Variants in PRKN observed in about 807,000 individuals in gnomAD.
PRKN encodes the protein parkin RBR E3 ubiquitin protein ligase, also known as E3 ubiquitin-protein ligase parkin.
Under a neutral mutation model 59.5 loss-of-function variants are expected in PRKN, and 56 were observed. The observed-to-expected ratio is 0.94, with a 90% CI of 0.76 to 1.18. The LOEUF (loss-of-function observed/expected upper bound fraction) is 1.18, where lower values mean the gene tolerates loss of function less well. Ranked by LOEUF, PRKN falls within the 50% of genes most tolerant of loss-of-function variation. The pLI, the probability that PRKN is intolerant of heterozygous loss-of-function variation, is 0.00. For missense variants in PRKN, 657 were observed against 596.4 expected, an observed-to-expected ratio of 1.10 and a Z score of -1.06; for synonymous variants, 250 against 222.1, an observed-to-expected ratio of 1.13 and a Z score of -1.12.
intron 7 of PRKN, among the ~76,000 whole-genome samples, chr6:161,615,631 G>T (rs1782665087): frequency 6.6e-6 from 1 of 152,238 alleles, no homozygotes; most frequent in African/African-American, 2.4e-5. Context: ...GGGCTGCCAG[G>T]ACCCTTGCTC....
At chr6:161,791,488 T>C (rs966756906) in intron 6 of PRKN, among the ~76,000 whole-genome samples, 1 of 152,232 alleles carries the variant, frequency 6.6e-6, no homozygotes, top group African/African-American at 2.4e-5. Context: ...TTTGCCCTCC[T>C]TCACACACTC....
chr6:162,323,449 G>T (rs771121507), intron 2 of PRKN, among the ~76,000 whole-genome samples: 2 of 92,664 alleles, frequency 2.2e-5, no homozygotes, highest in Admixed American at 2.1e-4. Context: ...CAAATTTAAA[G>T]ATTTTTTTAA....
At position 161,475,992 on chromosome 6, in the gene PRKN, C is replaced by T. The variant is rs1368087653; in HGVS notation, c.1083+72862G>A. On this transcript the variant is annotated intron_variant, in intron 9 of 11. Coordinates refer to ENST00000366898, the MANE Select transcript of PRKN (RefSeq NM_004562.3). This position sits in a 1 kb window ranked among gnomAD's most constrained non-coding sequence, Gnocchi z 5.3. The stretch of plus-strand genomic sequence containing the variant: ...ACGAGGTCAGGAGATGGAGACCATC[C>T]TGGTTAACACGGTGAAAGCCTGTCT... Among the ~76,000 whole-genome samples, 1 of 151,946 alleles carries T rather than the reference C, an allele frequency of 6.6e-6. No homozygotes were observed. Among genetic ancestry groups the T allele is most frequent in the Non-Finnish European group, 1.5e-5 (1 of 67,978 alleles).
intron 4 of PRKN, among the ~76,000 whole-genome samples, chr6:162,077,072 C>T (rs1173470788): frequency 3.3e-5 from 5 of 152,034 alleles, no homozygotes; most frequent in African/African-American, 9.7e-5. Flanking sequence ...ACTGCAAACC[C>T]GTGCTCAGAT....
At chr6:162,305,169 A>C (rs575114346) in intron 2 of PRKN, among the ~76,000 whole-genome samples, 25 of 152,222 alleles carry the variant, frequency 1.6e-4, no homozygotes, top group African/African-American at 5.5e-4. Flanking sequence ...AAAACACTAC[A>C]TCTTAGAGTA....
chr6:161,895,900 A>T (rs1777608660), intron 6 of PRKN, among the ~76,000 whole-genome samples: 1 of 152,156 alleles, frequency 6.6e-6, no homozygotes, highest in African/African-American at 2.4e-5. Context: ...GCAGTGAAGG[A>T]AAAATAGGAA....
intron 2 of PRKN, among the ~76,000 whole-genome samples, chr6:162,344,944 T>C (rs1784334640): frequency 6.6e-6 from 1 of 152,224 alleles, no homozygotes; most frequent in South Asian, 2.1e-4. Context: ...ATCAGTCCTG[T>C]ATACTGTATA....
intron 1 of PRKN, among the ~76,000 whole-genome samples, chr6:162,644,964 G>A (rs1353242872): frequency 6.6e-6 from 1 of 152,098 alleles, no homozygotes; most frequent in African/African-American, 2.4e-5. Flanking sequence ...ATAGCTCTTA[G>A]AATATAGTAA....
chr6:162,155,486 C>T (rs78523023), intron 4 of PRKN, among the ~76,000 whole-genome samples: 2,729 of 152,164 alleles, frequency 0.018, 80 homozygotes, highest in African/African-American at 0.061. Context: ...AGAACTACTA[C>T]TGAATTTCAA....
At chr6:162,552,638 C>T (rs192032949) in intron 1 of PRKN, among the ~76,000 whole-genome samples, 9 of 152,058 alleles carry the variant, frequency 5.9e-5, no homozygotes, top group East Asian at 3.9e-4. Context: ...GAGAAACATC[C>T]GCGTGGAGTT....
chr6:161,429,419 C>T lies in PRKN; in HGVS notation c.1084-42542G>A, dbSNP rs1458842156. Among the ~76,000 whole-genome samples the T allele has an allele frequency of 6.6e-6, 1 of 152,096 alleles. No individual in the cohort carries two copies. Among genetic ancestry groups the T allele is most frequent in the African/African-American group, 2.4e-5 (1 of 41,398 alleles). On this transcript the variant is annotated intron_variant, in intron 9 of 11. Transcript: ENST00000366898. The surrounding 1 kb of genome is among the most constrained non-coding windows in gnomAD (Gnocchi z 4.2). ...GCTCTATGTGTGGGAAAACAGGCAACCTGGGGAGCCATGGTTAAGAGGGAC... is the reference window on the plus strand; with the variant it reads ...GCTCTATGTGTGGGAAAACAGGCAATCTGGGGAGCCATGGTTAAGAGGGAC...
At chr6:161,726,429 C>T (rs1787443365) in intron 7 of PRKN, among the ~76,000 whole-genome samples, 2 of 152,176 alleles carry the variant, frequency 1.3e-5, no homozygotes, top group Admixed American at 1.3e-4. Context: ...AATGTGTTAT[C>T]CGGCACATGG....
chr6:161,523,148 C>T (rs973786649), intron 9 of PRKN, among the ~76,000 whole-genome samples: 1 of 152,104 alleles, frequency 6.6e-6, no homozygotes, highest in African/African-American at 2.4e-5. Flanking sequence ...ATAATAAAGA[C>T]ATGGTTGAAT....
intron 2 of PRKN, among the ~76,000 whole-genome samples, chr6:162,269,405 C>T (rs1211982288): frequency 1.3e-5 from 2 of 152,268 alleles, no homozygotes; most frequent in East Asian, 3.9e-4. Context: ...TTACCCAAGT[C>T]AAGTCTGATG....
chr6:162,031,937 T>G (rs1783659010), intron 5 of PRKN, among the ~76,000 whole-genome samples: 1 of 152,246 alleles, frequency 6.6e-6, no homozygotes, highest in Admixed American at 6.5e-5. Context: ...GCTGAAAGCT[T>G]GTTCTACTAA....
intron 7 of PRKN, among the ~76,000 whole-genome samples, chr6:161,751,375 C>A (rs1032174197): frequency 1.3e-5 from 2 of 152,168 alleles, no homozygotes; most frequent in African/African-American, 2.4e-5. Context: ...GTACACTCAG[C>A]GCCTATCAAA....
chr6:161,576,240 T>A lies in PRKN; in HGVS notation c.872-6824A>T, dbSNP rs1469931763. On this transcript the variant is annotated intron_variant, in intron 7 of 11. Coordinates refer to ENST00000366898, the MANE Select transcript of PRKN (RefSeq NM_004562.3). The surrounding 1 kb of genome is among the most constrained non-coding windows in gnomAD (Gnocchi z 4.6). Reference sequence around the variant, plus strand: ...ATAAATAAAGCCAAGCTTATTTTAATCCTTTCTCTCTGCTGATGGGTTTTT... The same window carrying A: ...ATAAATAAAGCCAAGCTTATTTTAAACCTTTCTCTCTGCTGATGGGTTTTT... 1.3e-5 allele frequency among the ~76,000 whole-genome samples: 2 copies of A among 152,262 alleles called. No individual in the cohort carries two copies. Among genetic ancestry groups the A allele is most frequent in the Admixed American group, 1.3e-4 (2 of 15,284 alleles).
At chr6:161,541,703 C>T (rs1237753798) in intron 9 of PRKN, among the ~76,000 whole-genome samples, 1 of 152,022 alleles carries the variant, frequency 6.6e-6, no homozygotes, top group African/African-American at 2.4e-5. Flanking sequence ...TGCCTGTAAT[C>T]CCAGCTACTC....
chr6:162,433,561 C>T (rs9356015), intron 2 of PRKN, among the ~76,000 whole-genome samples: 17,754 of 139,572 alleles, frequency 0.13, 1,424 homozygotes, highest in African/African-American at 0.26. Flanking sequence ...TCTCAATGTT[C>T]CTCAAAATGA....
Sources: gnomAD v4.1 joint callset for allele counts (sites outside exome capture counted in the v4.1 genomes callset) on GRCh38, gnomAD v4.1.1 for gene constraint, Gnocchi (gnomAD v3.1) non-coding constraint, MANE v1.5 for transcripts, NCBI Gene and HGNC (gene_info 2026-07-23, HGNC 2026-07-21) for gene names.